The following EPHA6 variants were observed in gnomAD, a reference collection of about 807,000 sequenced individuals.
EPHA6 encodes ephrin type-A receptor 6.
EPHA6 carries 50 observed loss-of-function variants against 112.0 expected under a neutral mutation model. The observed-to-expected ratio is 0.45, with a 90% CI of 0.36 to 0.56. EPHA6 has a LOEUF of 0.56. Ranked by LOEUF, EPHA6 falls within the 20% of genes least tolerant of loss-of-function variation. EPHA6 has a pLI of 0.00. For missense variants in EPHA6, 1,280 were observed against 1,417.4 expected, an observed-to-expected ratio of 0.90 and a Z score of 1.56; for synonymous variants, 529 against 490.7, an observed-to-expected ratio of 1.08 and a Z score of -1.03.
At chr3:97,282,538 T>C in intron 5 of EPHA6, among the ~76,000 whole-genome samples, 1 of 152,162 alleles carries the variant, frequency 6.6e-6, no homozygotes, top group East Asian at 1.9e-4. Flanking sequence ...CATGCATGCG[T>C]ATGTTTATTG....
chr3:97,112,976 G>GT (rs946243040), intron 3 of EPHA6, among the ~76,000 whole-genome samples: 3 of 152,148 alleles, frequency 2.0e-5, no homozygotes, highest in Middle Eastern at 3.4e-3. Flanking sequence ...ACACTCACTT[G>GT]TTTTTTCTAA....
In EPHA6 at chr3:97,018,969, G is replaced by A. The variant is rs555539612; in HGVS notation, c.1114+30976G>A. ...GTAGCCCTGTCTGGGCATAACAGAA[G>A]GCTCACACTGTCTTCTGGTCACTCC... On this transcript the variant is annotated intron_variant, in intron 3 of 17. Transcript: ENST00000389672. 2.6e-5 allele frequency among the ~76,000 whole-genome samples: 4 copies of A among 152,318 alleles called. No individual in the cohort carries two copies. In the East Asian group the frequency reaches 5.8e-4, roughly 22 times the overall value.
intron 11 of EPHA6, among the ~76,000 whole-genome samples, chr3:97,584,419 A>G (rs1473888676): frequency 6.6e-6 from 1 of 152,200 alleles, no homozygotes; most frequent in East Asian, 1.9e-4. Flanking sequence ...GTTTTTAAAA[A>G]ACATTTGAGT....
chr3:97,292,601 T>C (rs918329593), intron 5 of EPHA6, among the ~76,000 whole-genome samples: 2 of 152,160 alleles, frequency 1.3e-5, no homozygotes, highest in African/African-American at 4.8e-5. Context: ...AGGCAGGTTG[T>C]CCCAGCAAGC....
chr3:97,041,732 C>A (rs1463764879), intron 3 of EPHA6, among the ~76,000 whole-genome samples: 2 of 151,870 alleles, frequency 1.3e-5, no homozygotes, highest in African/African-American at 4.8e-5. Context: ...ACAGTCATGG[C>A]AGAAGGTGAA....
At chr3:97,660,424 T>C (rs1163713708) in intron 14 of EPHA6, among the ~76,000 whole-genome samples, 1 of 152,034 alleles carries the variant, frequency 6.6e-6, no homozygotes, top group East Asian at 1.9e-4. Context: ...ATTTGAAAGG[T>C]GTTGAGACCA....
chr3:97,031,986 A>G (rs2044868366), intron 3 of EPHA6, among the ~76,000 whole-genome samples: 1 of 152,118 alleles, frequency 6.6e-6, no homozygotes, highest in Admixed American at 6.6e-5. Context: ...TGCTATAAAG[A>G]CACATGCACA....
intron 14 of EPHA6, among the ~76,000 whole-genome samples, chr3:97,659,219 A>T (rs948415745): frequency 1.3e-5 from 2 of 151,970 alleles, no homozygotes; most frequent in South Asian, 4.1e-4. Flanking sequence ...AAATCCCAGT[A>T]AAAAGATCAA....
At chr3:97,166,457 A>G (rs1476894510) in intron 3 of EPHA6, among the ~76,000 whole-genome samples, 1 of 151,976 alleles carries the variant, frequency 6.6e-6, no homozygotes, top group South Asian at 2.1e-4. Flanking sequence ...ATGTATCACG[A>G]GTAGGTGATT....
chr3:97,095,698 A>G (rs1289257839), intron 3 of EPHA6, among the ~76,000 whole-genome samples: 1 of 151,914 alleles, frequency 6.6e-6, no homozygotes, highest in Non-Finnish European at 1.5e-5. Context: ...ACTCTGGGAT[A>G]TATCCTTAGA....
At chr3:96,840,368 G>T (rs1047121662) in intron 1 of EPHA6, among the ~76,000 whole-genome samples, 1 of 151,966 alleles carries the variant, frequency 6.6e-6, no homozygotes, top group Non-Finnish European at 1.5e-5. Context: ...TTTTTCTCTT[G>T]ACTCTTGATT....
intron 13 of EPHA6, among the ~76,000 whole-genome samples, chr3:97,634,431 G>A (rs2093928878): frequency 6.6e-6 from 1 of 151,928 alleles, no homozygotes; most frequent in African/African-American, 2.4e-5. Context: ...TTGGATCGTG[G>A]ATAAATAGAC....
chr3:97,109,944 G>C (rs1468348610), intron 3 of EPHA6, among the ~76,000 whole-genome samples: 1 of 151,862 alleles, frequency 6.6e-6, no homozygotes, highest in Non-Finnish European at 1.5e-5. Context: ...TTATATGGGA[G>C]GCATCATATC....
intron 2 of EPHA6, among the ~76,000 whole-genome samples, chr3:96,907,376 T>C (rs1218231935): frequency 1.3e-5 from 2 of 151,820 alleles, no homozygotes; most frequent in Non-Finnish European, 2.9e-5. Flanking sequence ...TGATTATCTG[T>C]TCATTATGAT....
intron 10 of EPHA6, among the ~76,000 whole-genome samples, chr3:97,499,237 T>C (rs889231673): frequency 1.3e-5 from 2 of 152,204 alleles, no homozygotes; most frequent in Non-Finnish European, 2.9e-5. Flanking sequence ...TTATTGACTT[T>C]CTGTTATCAT....
At chr3:97,205,854 C>T (rs1234328676) in intron 3 of EPHA6, among the ~76,000 whole-genome samples, 2 of 152,052 alleles carry the variant, frequency 1.3e-5, no homozygotes, top group African/African-American at 2.4e-5. Flanking sequence ...AAACATGTTA[C>T]ATAAATTGCA....
At chr3:97,688,969 GC>G (rs1171760069) in intron 14 of EPHA6, among the ~76,000 whole-genome samples, 4 of 152,008 alleles carry the variant, frequency 2.6e-5, no homozygotes, top group Non-Finnish European at 2.9e-5. Flanking sequence ...TATAGATTAT[GC>G]CTATCATTAA....
chr3:97,126,213 C>T (rs983572555), intron 3 of EPHA6, among the ~76,000 whole-genome samples: 3 of 152,132 alleles, frequency 2.0e-5, no homozygotes, highest in African/African-American at 7.2e-5. Flanking sequence ...TTTAGACATA[C>T]TGGCCATATT....
chr3:97,380,686 A>G (rs1559940055), intron 5 of EPHA6, among the ~76,000 whole-genome samples: 1 of 152,236 alleles, frequency 6.6e-6, no homozygotes, highest in South Asian at 2.1e-4. Context: ...TTGGCTAATC[A>G]CAGTATATTT....
Sources: gnomAD v4.1 joint callset for allele counts (sites outside exome capture counted in the v4.1 genomes callset) on GRCh38, gnomAD v4.1.1 for gene constraint, MANE v1.5 for transcripts, NCBI Gene and HGNC (gene_info 2026-07-23, HGNC 2026-07-21) for gene names.